Variants in ADH7 observed in about 807,000 individuals in gnomAD.
ADH7 encodes the protein alcohol dehydrogenase 7 (class IV), mu or sigma polypeptide, also known as all-trans-retinol dehydrogenase [NAD(+)] ADH7.
In ADH7, 41 loss-of-function variants were observed where a neutral mutation model predicts 34.4. The ratio of observed to expected loss-of-function variants is 1.19; its 90% CI spans 0.93 to 1.55. The LOEUF (loss-of-function observed/expected upper bound fraction) is 1.55, where lower values mean the gene tolerates loss of function less well. ADH7 is among the 40% of genes most tolerant of loss of function. ADH7 has a pLI of 0.00. For missense variants in ADH7, 540 were observed against 461.2 expected (o/e 1.17, Z -1.56); for synonymous variants, 180 against 160.9 (o/e 1.12, Z -0.90).
In ADH7 at chr4:99,412,802, C is replaced by T. The variant is rs776048967; in HGVS notation, c.*346G>A. On this transcript the variant is annotated 3_prime_UTR_variant, in exon 9 of 9. Transcript: ENST00000437033. Reference sequence around the variant, plus strand: ...GAGATGCATTTACTATATCTTTATACGCTATATCTGTTTTGAGTTATATAT... The same window carrying T: ...GAGATGCATTTACTATATCTTTATATGCTATATCTGTTTTGAGTTATATAT... 3.4e-5 allele frequency: 7 copies of T among 207,972 alleles called. 1 individual carries two copies. Among genetic ancestry groups the T allele is most frequent in the African/African-American group, 6.9e-5 (3 of 43,224 alleles). 12.9% of individuals were successfully genotyped at this position (207,972 alleles called of 1,614,324 possible). A position where few individuals can be genotyped will look rare whatever the true frequency, so the allele number is the denominator to read the frequency against.
intron 5 of ADH7, 31 bp from the exon 6 acceptor site, chr4:99,420,824 G>T: frequency 6.2e-7 from 1 of 1,601,802 alleles, no homozygotes; most frequent in South Asian, 1.1e-5. Context: ...GAACATGTTA[G>T]GTGTTAGGGT....
At chr4:99,425,766 GCACCA>G (rs1203361051) in intron 5 of ADH7, among the ~76,000 whole-genome samples, 3 of 152,080 alleles carry the variant, frequency 2.0e-5, no homozygotes, top group African/African-American at 2.4e-5. Flanking sequence ...CATTTTTTCA[GCACCA>G]CACCACACCT....
At chr4:99,425,055 G>A (rs187025587) in intron 5 of ADH7, among the ~76,000 whole-genome samples, 4 of 152,052 alleles carry the variant, frequency 2.6e-5, no homozygotes, top group Admixed American at 2.6e-4. Flanking sequence ...AGTTCCTGAA[G>A]GAAGAACTAA....
At chr4:99,423,636 G>A (rs896841662) in intron 5 of ADH7, among the ~76,000 whole-genome samples, 2 of 152,208 alleles carry the variant, frequency 1.3e-5, no homozygotes, top group East Asian at 1.9e-4. Context: ...CAGTGATGGT[G>A]AGCATTTTTC....
rs1721512191 is a variant in ADH7 at position 99,416,210 on chromosome 4, C to G, written c.962-594G>C. Among the ~76,000 whole-genome samples, 5 of 152,254 alleles carry G rather than the reference C, an allele frequency of 3.3e-5. No homozygotes were observed. In the South Asian group the frequency reaches 1.0e-3, roughly 32 times the overall value. Reference sequence around the variant, plus strand: ...TCTGATACCCACATCTCCTTCCAGTCACCCCATATCTTTGCTTCTATTGCA... The same window carrying G: ...TCTGATACCCACATCTCCTTCCAGTGACCCCATATCTTTGCTTCTATTGCA... On this transcript the variant is annotated intron_variant, in intron 7 of 8. Coordinates refer to ENST00000437033, the MANE Select transcript of ADH7 (RefSeq NM_000673.7).
Position 99,428,528 on chromosome 4 carries a change from C to T in ADH7, c.223G>A (p.Glu75Lys). The part of the protein sequence containing the change: ...IVGHEATGIV[E>K]SIGEGVTTVK... ...GTAGTCACTCCTTCTCCAATGCTCT[C>T]TACAATCCCAGTTGCCTCATGTCCC... The change falls in exon 3 of 9, where the codon GAG becomes AAG. Residue 75 changes from glutamate to lysine, a missense_variant. By Grantham distance (56) the Glu-to-Lys change is moderately conservative. Coordinates refer to ENST00000437033, the MANE Select transcript of ADH7 (RefSeq NM_000673.7). The T allele has an allele frequency of 1.9e-6, 3 of 1,613,888 alleles. No individual in the cohort carries two copies. Among genetic ancestry groups the T allele is most frequent in the Non-Finnish European group, 2.5e-6 (3 of 1,179,862 alleles).
Position 99,413,162 on chromosome 4 carries a change from C to G in ADH7, c.1111G>C (p.Val371Leu), listed in dbSNP as rs1398368530. ...CACTTTGGATCTCAAAACGTCAGGA[C>G]CGTTCGAATGCTGAAATGTAAAATG... ...LLNSGQSIRTVLTF is the reference protein window; with the variant it reads ...LLNSGQSIRTLLTF The change falls in exon 9 of 9, where the codon GTC (valine) becomes CTC (leucine). Residue 371 changes from valine (V) to leucine (L), a missense_variant. Val to Leu is a conservative substitution (Grantham distance 32). Transcript: ENST00000437033. 1 of 1,613,388 alleles carries G rather than the reference C, an allele frequency of 6.2e-7. No homozygotes were observed. The highest frequency in any genetic ancestry group is 2.2e-5 in the East Asian group (1 of 44,860).
At chr4:99,431,485 T>C (rs541930990) in intron 1 of ADH7, among the ~76,000 whole-genome samples, 1 of 152,208 alleles carries the variant, frequency 6.6e-6, no homozygotes, top group South Asian at 2.1e-4. Context: ...CTAATTTAAC[T>C]AAAGGGCTTC....
intron 8 of ADH7, 123 bp downstream of exon 8, chr4:99,415,355 G>GT (rs1490187424): frequency 1.9e-6 from 2 of 1,041,132 alleles, no homozygotes; most frequent in Non-Finnish European, 1.4e-6. Flanking sequence ...GTAATTAGCT[G>GT]TATCAATCTG....
rs762858292 is a variant in ADH7 at position 99,429,624 on chromosome 4, A to G, written c.28T>C (p.Cys10Arg). The change falls in exon 2 of 9, where the codon TGC becomes CGC. Residue 10 changes from cysteine (C) to arginine (R), a missense_variant. By Grantham distance (180) the Cys-to-Arg change is radical (BLOSUM62 -3). Transcript: ENST00000437033. The stretch of plus-strand genomic sequence containing the variant: ...TGCTCCCAAAGCACAGCTGCTTTGC[A>G]TTTAATAACCTAAGAAATAGGCAAG... The part of the protein sequence containing the change: MGTAGKVIK[C>R]KAAVLWEQKQ... 4 of 1,608,282 alleles carry G rather than the reference A, an allele frequency of 2.5e-6. No homozygotes were observed. In the Admixed American group the frequency reaches 6.7e-5, roughly 27 times the overall value.
In ADH7 at chr4:99,427,890, G is replaced by C. The variant is rs768774050; in HGVS notation, c.447C>G (p.Tyr149Ter). 2 of 1,613,936 alleles carry C rather than the reference G, an allele frequency of 1.2e-6. No homozygotes were observed. Among genetic ancestry groups the C allele is most frequent in the Admixed American group, 3.3e-5 (2 of 59,960 alleles). Residue 149 changes from tyrosine (Y) to a stop codon, truncating the protein, a stop_gained, in exon 5 of 9, where the codon TAC becomes TAG. Transcript: ENST00000437033. LOFTEE classifies it high-confidence loss of function. ...CAACAGAAGATTCATCCACCACTGT[G>C]TACTCGGTAAATGTACTGGTGTTCA... ...HFMNTSTFTE[Y>*]TVVDESSVAK...
intron 5 of ADH7, among the ~76,000 whole-genome samples, chr4:99,424,594 C>T (rs536244350): frequency 1.4e-3 from 217 of 152,320 alleles, no homozygotes; most frequent in African/African-American, 4.9e-3. Context: ...AGGTCCTTCA[C>T]ATCCCTTGTA....
intron 1 of ADH7, among the ~76,000 whole-genome samples, chr4:99,432,435 C>CA (rs1721957371): frequency 6.6e-6 from 1 of 151,986 alleles, no homozygotes; most frequent in Non-Finnish European, 1.5e-5. Context: ...GCCTATGTAG[C>CA]AAACCTGCAC....
intron 6 of ADH7, 142 bp from the exon 7 acceptor site, chr4:99,419,263 G>T: frequency 9.6e-7 from 1 of 1,045,840 alleles, no homozygotes. Flanking sequence ...AAAAATTTCA[G>T]TGCAACTTTA....
chr4:99,420,565 T>G lies in ADH7; in HGVS notation c.793A>C (p.Thr265Pro). 6.2e-7 allele frequency: 1 copy of G among 1,613,950 alleles called. No homozygotes were observed. Among genetic ancestry groups the G allele is most frequent in the Non-Finnish European group, 8.5e-7 (1 of 1,179,914 alleles). ...TCAAGATGCCCAATAACTTCAAAGG[T>G]GTATCCCACGTTGTTGCCTGTCATT... Reference protein sequence around the residue: ...SEMTGNNVGYTFEVIGHLETM... With the variant: ...SEMTGNNVGYPFEVIGHLETM... The change falls in exon 6 of 9, where the codon ACC (threonine) becomes CCC (proline). Residue 265 changes from threonine to proline, a missense_variant. By Grantham distance (38) the Thr-to-Pro change is conservative. Coordinates refer to ENST00000437033, the MANE Select transcript of ADH7 (RefSeq NM_000673.7).
intron 1 of ADH7, among the ~76,000 whole-genome samples, chr4:99,431,984 A>G (rs1388404187): frequency 6.6e-6 from 1 of 152,212 alleles, no homozygotes; most frequent in Non-Finnish European, 1.5e-5. Flanking sequence ...CCAAAGAAAT[A>G]TAAATCATCC....
chr4:99,428,267 C>A (rs1213964615), intron 3 of ADH7, 93 bp from the exon 4 acceptor site: 23 of 1,346,892 alleles, frequency 1.7e-5, no homozygotes, highest in Non-Finnish European at 2.4e-5. Context: ...ATAGGTAAAA[C>A]TTTTAAAAAT....
chr4:99,424,055 A>G (rs1174756722), intron 5 of ADH7, among the ~76,000 whole-genome samples: 1 of 151,912 alleles, frequency 6.6e-6, no homozygotes, highest in African/African-American at 2.4e-5. Flanking sequence ...TAATTTTTGT[A>G]TAAGGTGTAA....
intron 7 of ADH7, among the ~76,000 whole-genome samples, chr4:99,416,041 A>G (rs1225615317): frequency 6.6e-6 from 1 of 152,148 alleles, no homozygotes; most frequent in Non-Finnish European, 1.5e-5. Context: ...TAAAACCTAG[A>G]TGATGGGTTG....
Sources: gnomAD v4.1 joint callset for allele counts (sites outside exome capture counted in the v4.1 genomes callset) on GRCh38, gnomAD v4.1.1 for gene constraint, MANE v1.5 for transcripts, NCBI Gene and HGNC (gene_info 2026-07-23, HGNC 2026-07-21) for gene names.